The following LMNTD1 variants were observed in gnomAD, a reference collection of about 807,000 sequenced individuals.
LMNTD1 encodes lamin tail domain containing 1.
Under a neutral mutation model 50.9 loss-of-function variants are expected in LMNTD1, and 35 were observed. That is an observed-to-expected ratio of 0.69 (90% CI 0.53 to 0.91). The LOEUF (loss-of-function observed/expected upper bound fraction) is 0.91. Ranked by LOEUF, LMNTD1 falls within the 40% of genes least tolerant of loss-of-function variation. The pLI is 0.00. For synonymous variants in LMNTD1, 153 were observed against 161.9 expected (o/e 0.94, Z 0.42); for missense variants, 470 against 475.5 (o/e 0.99, Z 0.11).
At chr12:25,535,413 T>TA (rs60487615) in intron 4 of LMNTD1, among the ~76,000 whole-genome samples, 96,675 of 151,414 alleles carry the variant, frequency 0.64, 31,668 homozygotes, top group Admixed American at 0.71. Context: ...GAAATAATGG[T>TA]AAAAATTTTC....
At chr12:25,640,720 T>C (rs959898650) in intron 1 of LMNTD1, among the ~76,000 whole-genome samples, 3 of 151,990 alleles carry the variant, frequency 2.0e-5, no homozygotes, top group Admixed American at 6.5e-5. Flanking sequence ...TGGAGTATAG[T>C]GGCGCAAACT....
At chr12:25,567,399 C>T (rs1261046612) in intron 1 of LMNTD1, among the ~76,000 whole-genome samples, 1 of 152,088 alleles carries the variant, frequency 6.6e-6, no homozygotes, top group African/African-American at 2.4e-5. Context: ...ACTATTACAC[C>T]ACTACTATAT....
Position 25,553,220 on chromosome 12 carries a change from G to T in LMNTD1, c.-182C>A. Reference sequence around the variant, plus strand: ...ATGTCGGACAAACCATGGTGCAGGTGTGTAGCATTCACTGGAAGCAGCTTG... The same window carrying T: ...ATGTCGGACAAACCATGGTGCAGGTTTGTAGCATTCACTGGAAGCAGCTTG... On this transcript the variant is annotated 5_prime_UTR_variant, in exon 1 of 10. Transcript: ENST00000458174. 1 of 1,520,814 alleles carries T rather than the reference G, an allele frequency of 6.6e-7. No homozygotes were observed. Among genetic ancestry groups the T allele is most frequent in the Non-Finnish European group, 8.8e-7 (1 of 1,138,690 alleles). The allele number at this position is 1,520,814 out of a possible 1,614,324, so 94.2% of individuals were successfully genotyped here.
chr12:25,492,251 A>G (rs1271771987), intron 9 of LMNTD1, among the ~76,000 whole-genome samples: 1 of 152,238 alleles, frequency 6.6e-6, no homozygotes. Flanking sequence ...TTAGCATAAT[A>G]ATTCAAGCCA....
intron 1 of LMNTD1, among the ~76,000 whole-genome samples, chr12:25,627,535 G>C (rs12829194): frequency 6.6e-6 from 1 of 152,078 alleles, no homozygotes; most frequent in Admixed American, 6.5e-5. Context: ...AAGGGATCAC[G>C]CTTTGTAAAC....
At chr12:25,591,842 A>AGAGG (rs1048877800) in intron 1 of LMNTD1, among the ~76,000 whole-genome samples, 3 of 145,264 alleles carry the variant, frequency 2.1e-5, no homozygotes, top group Admixed American at 6.7e-5. Context: ...AGAGAGAGAG[A>AGAGG]GAGAGAGAGA....
intron 9 of LMNTD1, among the ~76,000 whole-genome samples, chr12:25,493,512 C>G (rs975809052): frequency 2.0e-5 from 3 of 152,152 alleles, no homozygotes; most frequent in Non-Finnish European, 1.5e-5. Context: ...TCACAATATA[C>G]CCACCCAAAA....
chr12:25,538,804 T>C (rs4303312), intron 4 of LMNTD1, among the ~76,000 whole-genome samples: 51,494 of 98,454 alleles, frequency 0.52, 14,601 homozygotes, highest in Non-Finnish European at 0.64. Context: ...TCAAGACCCA[T>C]CAGTGTGCTG....
At chr12:25,541,534 C>T (rs1171422267) in intron 4 of LMNTD1, among the ~76,000 whole-genome samples, 1 of 96,374 alleles carries the variant, frequency 1.0e-5, no homozygotes, top group African/African-American at 3.4e-5. Context: ...AAAGCTGAAA[C>T]TGGATCCCTT....
Position 25,553,177 on chromosome 12 carries a change from T to A in LMNTD1, c.-139A>T. On this transcript the variant is annotated 5_prime_UTR_variant, in exon 1 of 10. Coordinates refer to ENST00000458174, the MANE Select transcript of LMNTD1 (RefSeq NM_001145728.2). ...GATATGTAAGTACCAACATAGCCAATCCTGATCTTGGCTAAGGATGTCGGA... is the reference window on the plus strand; with the variant it reads ...GATATGTAAGTACCAACATAGCCAAACCTGATCTTGGCTAAGGATGTCGGA... 6.9e-6 allele frequency: 11 copies of A among 1,599,070 alleles called. No individual in the cohort carries two copies. The highest frequency in any genetic ancestry group is 9.4e-6 in the Non-Finnish European group (11 of 1,174,082).
intron 1 of LMNTD1, among the ~76,000 whole-genome samples, chr12:25,603,313 G>A (rs1485093853): frequency 6.6e-6 from 1 of 151,928 alleles, no homozygotes; most frequent in African/African-American, 2.4e-5. Context: ...TTAAAAGATG[G>A]GATCTCACTG....
At chr12:25,534,437 T>C (rs1471784200) in intron 4 of LMNTD1, among the ~76,000 whole-genome samples, 1 of 152,176 alleles carries the variant, frequency 6.6e-6, no homozygotes, top group Non-Finnish European at 1.5e-5. Context: ...CCCAGATTAT[T>C]TCTCGAGAAA....
chr12:25,615,041 C>G (rs1220859527), intron 1 of LMNTD1, among the ~76,000 whole-genome samples: 1 of 152,144 alleles, frequency 6.6e-6, no homozygotes, highest in Non-Finnish European at 1.5e-5. Flanking sequence ...GCATCACCGT[C>G]ACAATCTGAG....
chr12:25,615,357 C>T (rs1465643441), intron 1 of LMNTD1, among the ~76,000 whole-genome samples: 1 of 152,116 alleles, frequency 6.6e-6, no homozygotes, highest in African/African-American at 2.4e-5. Flanking sequence ...ATTGGAAGCA[C>T]CTTTCCAATT....
intron 9 of LMNTD1, among the ~76,000 whole-genome samples, chr12:25,492,142 TAGA>T (rs1565938831): frequency 6.6e-6 from 1 of 152,232 alleles, no homozygotes; most frequent in Non-Finnish European, 1.5e-5. Flanking sequence ...AGGACAAGTT[TAGA>T]AGAACATATC....
At chr12:25,539,568 C>T (rs1037147940) in intron 4 of LMNTD1, among the ~76,000 whole-genome samples, 88 of 151,674 alleles carry the variant, frequency 5.8e-4, no homozygotes, top group Middle Eastern at 3.4e-3. Context: ...GGGACGCATT[C>T]AAAGCAGTGT....
intron 1 of LMNTD1, among the ~76,000 whole-genome samples, chr12:25,635,865 C>T (rs890482832): frequency 4.3e-5 from 1 of 23,494 alleles, no homozygotes; most frequent in Non-Finnish European, 1.4e-4. Context: ...GCAAAGCAAG[C>T]AAAAACATAA....
intron 1 of LMNTD1, among the ~76,000 whole-genome samples, chr12:25,605,461 T>A (rs1446863261): frequency 6.6e-6 from 1 of 152,178 alleles, no homozygotes; most frequent in African/African-American, 2.4e-5. Flanking sequence ...TCTTCTAGGG[T>A]TTTTATGGTT....
At position 25,532,385 on chromosome 12, in the gene LMNTD1, A is replaced by G. The variant is rs192494442; in HGVS notation, c.492-5430T>C. 2.6e-4 allele frequency among the ~76,000 whole-genome samples: 40 copies of G among 152,246 alleles called. No individual in the cohort carries two copies. In the East Asian group the frequency reaches 7.7e-3, roughly 29 times the overall value. On this transcript the variant is annotated intron_variant, in intron 4 of 9. Transcript: ENST00000458174. ...CATCTTTCCTTGAAGTTTCAACTGAAAGCCTCAAGTGACCCTCCATTTTTT... is the reference window on the plus strand; with the variant it reads ...CATCTTTCCTTGAAGTTTCAACTGAGAGCCTCAAGTGACCCTCCATTTTTT...
Sources: allele counts gnomAD v4.1 joint callset (sites outside exome capture counted in the v4.1 genomes callset), GRCh38; gene constraint gnomAD v4.1.1; transcripts MANE v1.5; gene names NCBI Gene and HGNC (gene_info 2026-07-23, HGNC 2026-07-21).